ENTREP2: variants seen among roughly 807,000 people sequenced by gnomAD.
The protein encoded by ENTREP2 is protein ENTREP2.
At chr15:29,460,047 G>T in the ENTREP2 span, among the ~76,000 whole-genome samples, 3 of 152,124 alleles carry the variant, frequency 2.0e-5, no homozygotes, top group African/African-American at 7.2e-5. Flanking sequence ...AGAAGTTCAA[G>T]ACCAGCCTGG....
At chr15:29,128,276 G>A in the ENTREP2 span, among the ~76,000 whole-genome samples, 65 of 152,168 alleles carry the variant, frequency 4.3e-4, no homozygotes, top group African/African-American at 1.5e-3. Flanking sequence ...CCCCCGCCCC[G>A]GCTCTGCACG....
At chr15:29,550,271 C>CA in the ENTREP2 span, among the ~76,000 whole-genome samples, 226 of 150,432 alleles carry the variant, frequency 1.5e-3, 4 homozygotes, top group Middle Eastern at 0.024. Context: ...AACACTCACA[C>CA]AAAAAAAAAC....
At chr15:29,598,248 C>T in the ENTREP2 span, among the ~76,000 whole-genome samples, 1 of 152,180 alleles carries the variant, frequency 6.6e-6, no homozygotes, top group African/African-American at 2.4e-5. Context: ...TCCCCTCCAG[C>T]AGTTGGTATT....
chr15:29,426,408 AT>A, the ENTREP2 span, among the ~76,000 whole-genome samples: 349 of 152,082 alleles, frequency 2.3e-3, 2 homozygotes, highest in African/African-American at 8.2e-3. Flanking sequence ...CTTATCTTTG[AT>A]TTTTTTTGAT....
the ENTREP2 span, chr15:29,269,415 C>G: frequency 6.2e-7 from 1 of 1,614,172 alleles, no homozygotes; most frequent in Non-Finnish European, 8.5e-7. Flanking sequence ...GGTCTTTAAT[C>G]AGCAAGAACT....
At chr15:29,161,926 C>G in the ENTREP2 span, among the ~76,000 whole-genome samples, 2 of 152,136 alleles carry the variant, frequency 1.3e-5, no homozygotes, top group African/African-American at 4.8e-5. Context: ...AGAGGACCGA[C>G]AGACCTCTGA....
At chr15:29,357,397 G>C in the ENTREP2 span, among the ~76,000 whole-genome samples, 5 of 151,904 alleles carry the variant, frequency 3.3e-5, no homozygotes, top group Middle Eastern at 3.4e-3. Context: ...AGCCTCGGAG[G>C]GGGTATTTTC....
chr15:29,645,903 GC>G, the ENTREP2 span, among the ~76,000 whole-genome samples: 1 of 152,090 alleles, frequency 6.6e-6, no homozygotes, highest in East Asian at 1.9e-4. Context: ...TGTGGGAAAT[GC>G]TCAGTATTTT....
chr15:29,404,704 CCT>C, the ENTREP2 span, among the ~76,000 whole-genome samples: 54 of 151,872 alleles, frequency 3.6e-4, no homozygotes, highest in African/African-American at 1.3e-3. Context: ...GTACCCTAAG[CCT>C]CTCTCAGCCT....
chr15:29,612,929 G>C, the ENTREP2 span: 4 of 152,336 alleles, frequency 2.6e-5, no homozygotes, highest in Admixed American at 2.6e-4. Context: ...TAACAAAACA[G>C]GCTGAAATCA....
the ENTREP2 span, among the ~76,000 whole-genome samples, chr15:29,404,527 G>C: frequency 6.6e-6 from 1 of 151,822 alleles, no homozygotes; most frequent in East Asian, 1.9e-4. Context: ...TTTGCAGAAG[G>C]AACACCCTCC....
the ENTREP2 span, among the ~76,000 whole-genome samples, chr15:29,342,528 A>T: frequency 3.9e-5 from 6 of 152,176 alleles, no homozygotes; most frequent in Non-Finnish European, 5.9e-5. Flanking sequence ...AGCGTGAATT[A>T]ACCTATAATT....
the ENTREP2 span, among the ~76,000 whole-genome samples, chr15:29,181,567 GT>G: frequency 2.0e-5 from 3 of 152,172 alleles, no homozygotes; most frequent in South Asian, 6.2e-4. Flanking sequence ...TTGTGCCTAA[GT>G]TTTATCCCAG....
At chr15:29,333,445 C>G in the ENTREP2 span, among the ~76,000 whole-genome samples, 1 of 152,034 alleles carries the variant, frequency 6.6e-6, no homozygotes, top group Non-Finnish European at 1.5e-5. Flanking sequence ...TTGACACAGG[C>G]GCATCAGGGT....
At chr15:29,346,930 A>G in the ENTREP2 span, among the ~76,000 whole-genome samples, 731 of 152,346 alleles carry the variant, frequency 4.8e-3, 10 homozygotes, top group South Asian at 0.038. Flanking sequence ...TTCTCTGGGC[A>G]TAAATTGGAA....
At chr15:29,656,996 G>T in the ENTREP2 span, among the ~76,000 whole-genome samples, 1 of 152,154 alleles carries the variant, frequency 6.6e-6, no homozygotes, top group African/African-American at 2.4e-5. Context: ...CGGCCAGGGT[G>T]TTCGTGGTCT....
At chr15:29,167,048 A>G in the ENTREP2 span, among the ~76,000 whole-genome samples, 1 of 152,292 alleles carries the variant, frequency 6.6e-6, no homozygotes, top group East Asian at 1.9e-4. Flanking sequence ...TGACAAAGCA[A>G]ACATTAACAT....
At chr15:29,250,578 G>A in the ENTREP2 span, among the ~76,000 whole-genome samples, 1 of 152,158 alleles carries the variant, frequency 6.6e-6, no homozygotes, top group Admixed American at 6.5e-5. Flanking sequence ...TGGGCAATGT[G>A]TGTGGGCTTT....
chr15:29,449,544 C>A, the ENTREP2 span, among the ~76,000 whole-genome samples: 1 of 152,114 alleles, frequency 6.6e-6, no homozygotes, highest in Non-Finnish European at 1.5e-5. Flanking sequence ...AGGACAAAAA[C>A]CTCAGCAGAA....
Sources: gnomAD v4.1 joint callset for allele counts (sites outside exome capture counted in the v4.1 genomes callset) on GRCh38, gnomAD v4.1.1 for gene constraint, MANE v1.5 for transcripts, NCBI Gene and HGNC (gene_info 2026-07-23, HGNC 2026-07-21) for gene names.